RBFOX1: variants seen among roughly 807,000 people sequenced by gnomAD.
The protein encoded by RBFOX1 is RNA binding fox-1 homolog 1, also known as RNA binding protein fox-1 homolog 1.
Under a neutral mutation model 57.7 loss-of-function variants are expected in RBFOX1, and 8 were observed. That is an observed-to-expected ratio of 0.14 (90% CI 0.08 to 0.25). The LOEUF is 0.25. Among genes scored for constraint, RBFOX1 ranks in the 10% least tolerant of loss-of-function variants. The pLI is 1.00. For synonymous variants in RBFOX1, 326 were observed against 222.4 expected (o/e 1.47, Z -4.15); for missense variants, 611 against 548.5 (o/e 1.11, Z -1.14).
intron 3 of RBFOX1, among the ~76,000 whole-genome samples, chr16:6,961,513 C>G (rs540968180): frequency 6.6e-6 from 1 of 152,136 alleles, no homozygotes; most frequent in Admixed American, 6.5e-5. Context: ...AGAATCAGAG[C>G]GAGTCCGTAA....
intron 3 of RBFOX1, among the ~76,000 whole-genome samples, chr16:6,986,967 G>C (rs569109365): frequency 2.0e-5 from 3 of 152,056 alleles, no homozygotes; most frequent in Non-Finnish European, 1.5e-5. Context: ...CCATGCTTTC[G>C]AATGCCATTT....
intron 4 of RBFOX1, among the ~76,000 whole-genome samples, chr16:7,061,221 C>T (rs1222553699): frequency 6.6e-6 from 1 of 152,134 alleles, no homozygotes; most frequent in Non-Finnish European, 1.5e-5. Context: ...GGCAGCTTCT[C>T]TAGTAAAATA....
At chr16:5,911,845 G>A (rs1354629101) in intron 4 of RBFOX1, among the ~76,000 whole-genome samples, 1 of 152,084 alleles carries the variant, frequency 6.6e-6, no homozygotes, top group Non-Finnish European at 1.5e-5. Flanking sequence ...TCAACCATGA[G>A]GGCCCCACCC....
intron 3 of RBFOX1, among the ~76,000 whole-genome samples, chr16:5,720,670 A>G (rs1033893802): frequency 6.6e-6 from 1 of 152,130 alleles, no homozygotes; most frequent in Non-Finnish European, 1.5e-5. Flanking sequence ...TTCTGACATC[A>G]TTTGTTGAAA....
At chr16:5,639,645 C>A (rs879524998) in intron 3 of RBFOX1, among the ~76,000 whole-genome samples, 4 of 152,162 alleles carry the variant, frequency 2.6e-5, no homozygotes, top group Non-Finnish European at 5.9e-5. Context: ...CACTGTAGTG[C>A]TGCTGTCTCT....
chr16:5,594,147 C>T (rs1544533), intron 2 of RBFOX1, among the ~76,000 whole-genome samples: 16,872 of 152,172 alleles, frequency 0.11, 1,172 homozygotes, highest in East Asian at 0.32. Flanking sequence ...CACCCTCTGT[C>T]CATTGCTCAG....
At chr16:6,887,767 A>G (rs939425474) in intron 3 of RBFOX1, among the ~76,000 whole-genome samples, 1 of 151,422 alleles carries the variant, frequency 6.6e-6, no homozygotes, top group Non-Finnish European at 1.5e-5. Context: ...GGTTCAAGTG[A>G]TTCTCCAGCC....
chr16:7,081,012 GT>G (rs1318073450), intron 4 of RBFOX1, among the ~76,000 whole-genome samples: 3 of 152,148 alleles, frequency 2.0e-5, no homozygotes, highest in Non-Finnish European at 4.4e-5. Context: ...GCCCTTGCGA[GT>G]TGCTGGCCGT....
chr16:7,557,757 G>A (rs1434923667), intron 5 of RBFOX1, among the ~76,000 whole-genome samples: 3 of 151,682 alleles, frequency 2.0e-5, no homozygotes, highest in Admixed American at 1.3e-4. Context: ...TCAGTGAAGT[G>A]CTAGTAAATG....
At chr16:7,282,508 C>A (rs985859650) in intron 4 of RBFOX1, among the ~76,000 whole-genome samples, 4 of 151,900 alleles carry the variant, frequency 2.6e-5, no homozygotes, top group Non-Finnish European at 5.9e-5. Context: ...GCCTTTTGCT[C>A]TTGCACCCTC....
upstream of RBFOX1, among the ~76,000 whole-genome samples, chr16:6,014,800 G>T (rs1260622409): frequency 6.6e-6 from 1 of 151,776 alleles, no homozygotes; most frequent in Non-Finnish European, 1.5e-5. Context: ...ACTCTTCTGT[G>T]ACTGCTATTG....
intron 4 of RBFOX1, among the ~76,000 whole-genome samples, chr16:5,898,344 C>A (rs1175494208): frequency 1.3e-5 from 2 of 152,026 alleles, no homozygotes; most frequent in Non-Finnish European, 2.9e-5. Context: ...TATCATAGAG[C>A]AAGATCTTAA....
chr16:7,217,409 A>T (rs4556806), intron 4 of RBFOX1, among the ~76,000 whole-genome samples: 1 of 150,502 alleles, frequency 6.6e-6, no homozygotes, highest in African/African-American at 2.4e-5. Flanking sequence ...GATTACAGGC[A>T]TGAACCACCA....
At chr16:7,127,796 T>C (rs1372939818) in intron 4 of RBFOX1, among the ~76,000 whole-genome samples, 1 of 152,194 alleles carries the variant, frequency 6.6e-6, no homozygotes, top group African/African-American at 2.4e-5. Flanking sequence ...TGGCACATCT[T>C]GGTAGGATGA....
At chr16:5,449,617 C>G (rs984822446) in intron 1 of RBFOX1, among the ~76,000 whole-genome samples, 1 of 152,062 alleles carries the variant, frequency 6.6e-6, no homozygotes, top group African/African-American at 2.4e-5. Flanking sequence ...TCACCTCTAG[C>G]TTTGTTTTTT....
chr16:5,977,868 T>A lies in RBFOX1; in HGVS notation c.351+110533T>A, dbSNP rs554942754. Among the ~76,000 whole-genome samples, 233 of 152,188 alleles carry A rather than the reference T, an allele frequency of 1.5e-3. 1 individual carries two copies. Among genetic ancestry groups the A allele is most frequent in the Non-Finnish European group, 3.0e-3 (206 of 68,010 alleles). On this transcript the variant is annotated intron_variant, in intron 4 of 19. Coordinates refer to the RBFOX1 transcript ENST00000641259. The stretch of plus-strand genomic sequence containing the variant: ...TTTTTTGGCTTTTTGAGTCGAAATT[T>A]ATGAACATCACAGGCTTAGACAGTT...
intron 1 of RBFOX1, among the ~76,000 whole-genome samples, chr16:6,265,010 C>T (rs942587564): frequency 4.6e-5 from 7 of 152,274 alleles, no homozygotes; most frequent in South Asian, 2.1e-4. Flanking sequence ...CCTCCCATGC[C>T]GCATCACCCT....
At chr16:5,439,579 A>C (rs985354665) in intron 1 of RBFOX1, among the ~76,000 whole-genome samples, 3 of 152,024 alleles carry the variant, frequency 2.0e-5, no homozygotes, top group Non-Finnish European at 4.4e-5. Flanking sequence ...AGGAATGAGA[A>C]GGCAGAGAAA....
rs752223226 is a variant in RBFOX1 at position 6,637,326 on chromosome 16, T to TATAA, written c.-63-17277_-63-17276insATAA. Among the ~76,000 whole-genome samples, 5 of 23,176 alleles carry TATAA rather than the reference T, an allele frequency of 2.2e-4. 1 individual carries two copies. Among genetic ancestry groups the TATAA allele is most frequent in the South Asian group, 1.7e-3 (1 of 574 alleles). The allele number at this position is 23,176 out of a possible 152,430, so 15.2% of individuals were successfully genotyped here. ...AAATATATATTATATATTATATATA[T>TATAA]TATATAATATACAAATATATATTAT... On this transcript the variant is annotated intron_variant, in intron 2 of 15. Coordinates refer to ENST00000550418, the MANE Select transcript of RBFOX1 (RefSeq NM_018723.4).
Sources: gnomAD v4.1 joint callset for allele counts (sites outside exome capture counted in the v4.1 genomes callset) on GRCh38, gnomAD v4.1.1 for gene constraint, MANE v1.5 for transcripts, NCBI Gene and HGNC (gene_info 2026-07-23, HGNC 2026-07-21) for gene names.